Variants in ADGRL2 observed in about 807,000 individuals in gnomAD.
ADGRL2 encodes the protein calcium-independent alpha-latrotoxin receptor 2.
In ADGRL2, 44 loss-of-function variants were observed where a neutral mutation model predicts 157.4. The observed-to-expected ratio is 0.28, with a 90% confidence interval of 0.22 to 0.36. The LOEUF (loss-of-function observed/expected upper bound fraction) is 0.36. ADGRL2 is among the 10% of genes least tolerant of loss of function. The pLI, the probability that ADGRL2 is intolerant of heterozygous loss-of-function variation, is 1.00. For missense variants in ADGRL2, 1,510 were observed against 1,768.9 expected, an observed-to-expected ratio of 0.85 and a Z score of 2.63; for synonymous variants, 585 against 624.7, an observed-to-expected ratio of 0.94 and a Z score of 0.95.
At chr1:81,315,396 A>G (rs541142199) in intron 1 of ADGRL2, among the ~76,000 whole-genome samples, 2 of 152,222 alleles carry the variant, frequency 1.3e-5, no homozygotes, top group South Asian at 2.1e-4. Context: ...TCTATGTAGC[A>G]GTGACAGTTA....
chr1:81,486,535 G>A (rs538264118), intron 2 of ADGRL2, among the ~76,000 whole-genome samples: 32 of 151,260 alleles, frequency 2.1e-4, no homozygotes, highest in Non-Finnish European at 4.4e-4. Context: ...ACTACATGTT[G>A]ATAAAACTTG....
intron 3 of ADGRL2, among the ~76,000 whole-genome samples, chr1:81,911,097 G>A (rs547624331): frequency 6.6e-6 from 1 of 152,048 alleles, no homozygotes; most frequent in East Asian, 1.9e-4. Context: ...TCAGGCTGTG[G>A]ACATGGTAAA....
chr1:81,316,143 G>GA (rs57352879), intron 1 of ADGRL2, among the ~76,000 whole-genome samples: 45,176 of 150,320 alleles, frequency 0.3, 7,791 homozygotes, highest in African/African-American at 0.47. Context: ...AAAAAAAAAA[G>GA]AAAAAAGAAG....
chr1:81,531,083 CA>C (rs66485040), intron 2 of ADGRL2, among the ~76,000 whole-genome samples: 59,511 of 119,890 alleles, frequency 0.5, 12,405 homozygotes, highest in East Asian at 0.61. Context: ...GACTCTGTTT[CA>C]AAAAAAAAAA....
intron 1 of ADGRL2, among the ~76,000 whole-genome samples, chr1:81,392,235 A>T (rs962419242): frequency 2.9e-4 from 44 of 151,674 alleles, no homozygotes; most frequent in Admixed American, 3.9e-4. Flanking sequence ...CACAAAAAAA[A>T]AAACAAAGAA....
chr1:81,616,071 G>A (rs2081640688), intron 3 of ADGRL2, among the ~76,000 whole-genome samples: 1 of 117,104 alleles, frequency 8.5e-6, no homozygotes, highest in South Asian at 3.1e-4. Flanking sequence ...GGCCTGAAAC[G>A]GAGTCAGCCT....
chr1:81,923,083 T>G (rs2095025613), intron 3 of ADGRL2, among the ~76,000 whole-genome samples: 1 of 152,158 alleles, frequency 6.6e-6, no homozygotes. Context: ...TACGAGTTGG[T>G]GTTCAGTTAT....
At chr1:81,940,209 T>A (rs1647368814) in intron 4 of ADGRL2, among the ~76,000 whole-genome samples, 1 of 151,550 alleles carries the variant, frequency 6.6e-6, no homozygotes, top group African/African-American at 2.4e-5. Flanking sequence ...ATTTCCATCC[T>A]TTACATTTAA....
chr1:81,345,877 TA>T (rs1662446847), intron 1 of ADGRL2, among the ~76,000 whole-genome samples: 2 of 152,236 alleles, frequency 1.3e-5, no homozygotes, highest in African/African-American at 2.4e-5. Context: ...TTATGTATTA[TA>T]TTCACTTAAC....
At chr1:81,905,334 G>T (rs180891789) in intron 2 of ADGRL2, among the ~76,000 whole-genome samples, 51 of 152,180 alleles carry the variant, frequency 3.4e-4, no homozygotes, top group Admixed American at 1.9e-3. Flanking sequence ...CTGACGTCAG[G>T]TGATCCACCC....
intron 2 of ADGRL2, among the ~76,000 whole-genome samples, chr1:81,856,523 T>C (rs1428883966): frequency 6.6e-6 from 1 of 152,170 alleles, no homozygotes; most frequent in Non-Finnish European, 1.5e-5. Flanking sequence ...TCAGGCTGGC[T>C]TTGCCCCTTT....
At chr1:81,328,368 A>C (rs1661040517) in intron 1 of ADGRL2, among the ~76,000 whole-genome samples, 1 of 152,152 alleles carries the variant, frequency 6.6e-6, no homozygotes, top group African/African-American at 2.4e-5. Context: ...TAAATCATAC[A>C]GGAAACATCG....
At chr1:81,872,844 T>C (rs918442676) in intron 2 of ADGRL2, among the ~76,000 whole-genome samples, 2 of 152,104 alleles carry the variant, frequency 1.3e-5, no homozygotes, top group Non-Finnish European at 2.9e-5. Flanking sequence ...TTAGTGTTCA[T>C]CAGTATAAAG....
chr1:81,849,365 C>A (rs943344221), intron 2 of ADGRL2, among the ~76,000 whole-genome samples: 1 of 151,850 alleles, frequency 6.6e-6, no homozygotes, highest in African/African-American at 2.4e-5. Context: ...AACAATAAAA[C>A]CCCGTAACCA....
intron 2 of ADGRL2, among the ~76,000 whole-genome samples, chr1:81,897,523 A>C (rs992148722): frequency 6.6e-6 from 1 of 152,216 alleles, no homozygotes; most frequent in Non-Finnish European, 1.5e-5. Flanking sequence ...GTTTTTAGGT[A>C]GGAGAAATTA....
chr1:81,975,610 A>G (rs1234142879), intron 17 of ADGRL2, among the ~76,000 whole-genome samples: 1 of 151,948 alleles, frequency 6.6e-6, no homozygotes, highest in African/African-American at 2.4e-5. Flanking sequence ...AAGTAAAAGT[A>G]AGGAGGAGAA....
At chr1:81,902,263 T>C (rs2094501379) in intron 2 of ADGRL2, among the ~76,000 whole-genome samples, 1 of 152,092 alleles carries the variant, frequency 6.6e-6, no homozygotes, top group South Asian at 2.1e-4. Context: ...GTAGCAGGTA[T>C]TAAGAGAGAA....
chr1:81,938,026 T>C (rs1332325691), intron 4 of ADGRL2, among the ~76,000 whole-genome samples: 2 of 151,794 alleles, frequency 1.3e-5, no homozygotes, highest in African/African-American at 4.8e-5. Context: ...AGATTATCTT[T>C]TCATCCCTGC....
rs974485012 is a variant in ADGRL2, at chr1:81,781,440, T to TA, written c.-101+19597dup. Among the ~76,000 whole-genome samples the TA allele has an allele frequency of 5.8e-4, 87 of 150,740 alleles. No individual in the cohort carries two copies. In the East Asian group the frequency reaches 6.0e-3, roughly 10 times the overall value. On this transcript the variant is annotated intron_variant, in intron 2 of 20. Coordinates refer to the ADGRL2 transcript ENST00000359929. ...TTTTTAGAGGAAAAGGTTTTTCAGC[T>TA]AAAAAAAAAGGTTGAAATGAGATCT...
Sources: gnomAD v4.1 joint callset for allele counts (sites outside exome capture counted in the v4.1 genomes callset) on GRCh38, gnomAD v4.1.1 for gene constraint, MANE v1.5 for transcripts, NCBI Gene and HGNC (gene_info 2026-07-23, HGNC 2026-07-21) for gene names.